LSM14A: variants seen among roughly 807,000 people sequenced by gnomAD.
The protein encoded by LSM14A is LSM14A mRNA processing body assembly factor.
A neutral mutation model predicts 52.4 loss-of-function variants in LSM14A; 14 were observed. That is an observed-to-expected ratio of 0.27 (90% CI 0.18 to 0.42). The LOEUF (loss-of-function observed/expected upper bound fraction) is 0.42. Ranked by LOEUF, LSM14A falls within the 10% of genes least tolerant of loss-of-function variation. LSM14A has a pLI of 1.00. For synonymous variants in LSM14A, 185 were observed against 200.3 expected (o/e 0.92, Z 0.64); for missense variants, 417 against 581.8 (o/e 0.72, Z 2.91).
chr19:34,176,315 T>C (rs2069087103), intron 1 of LSM14A, among the ~76,000 whole-genome samples: 1 of 152,112 alleles, frequency 6.6e-6, no homozygotes, highest in Non-Finnish European at 1.5e-5. Flanking sequence ...GAGAGTGTTA[T>C]TGGGAAACCT....
chr19:34,218,693 T>C (rs1453628841), intron 6 of LSM14A, among the ~76,000 whole-genome samples: 8 of 152,240 alleles, frequency 5.3e-5, no homozygotes, highest in Non-Finnish European at 8.8e-5. Context: ...TCACTATAAA[T>C]TATGCTGCTT....
chr19:34,215,358 T>C, intron 5 of LSM14A, 58 bp downstream of exon 5: 1 of 1,433,498 alleles, frequency 7.0e-7, no homozygotes, highest in South Asian at 1.4e-5. Context: ...TCCACTCACT[T>C]TATTTTCATT....
intron 6 of LSM14A, among the ~76,000 whole-genome samples, chr19:34,217,837 AAGAG>A (rs1377927276): frequency 6.6e-6 from 1 of 151,444 alleles, no homozygotes; most frequent in Non-Finnish European, 1.5e-5. Flanking sequence ...TATTCAGAAA[AAGAG>A]AGAGCTCCCC....
intron 3 of LSM14A, among the ~76,000 whole-genome samples, chr19:34,207,629 T>C (rs1227482499): frequency 6.6e-6 from 1 of 151,808 alleles, no homozygotes; most frequent in Non-Finnish European, 1.5e-5. Flanking sequence ...CCTCCCAGGT[T>C]CAAGCAATTT....
At chr19:34,202,145 T>TC (rs1222700875) in intron 3 of LSM14A, among the ~76,000 whole-genome samples, 2 of 148,920 alleles carry the variant, frequency 1.3e-5, no homozygotes, top group Non-Finnish European at 3.0e-5. Context: ...TTTTTTTTTT[T>TC]CCATTTGGTT....
chr19:34,207,532 A>ATTT lies in LSM14A; in HGVS notation c.416-1382_416-1380dup, dbSNP rs1316686200. On this transcript the variant is annotated intron_variant, in intron 3 of 9. Coordinates refer to ENST00000544216, the MANE Select transcript of LSM14A (RefSeq NM_015578.4). Reference sequence around the variant, plus strand: ...ATACTGTGCTGCTTTCTGAAGCCACATTTTTTTTTTTTTTTTTGAGACAGA... The same window carrying ATTT: ...ATACTGTGCTGCTTTCTGAAGCCACATTTTTTTTTTTTTTTTTTTTGAGACAGA... Among the ~76,000 whole-genome samples the ATTT allele has an allele frequency of 3.1e-3, 424 of 136,198 alleles. 4 individuals carry two copies. Among genetic ancestry groups the ATTT allele is most frequent in the African/African-American group, 0.011 (392 of 36,696 alleles). 89.4% of individuals were successfully genotyped at this position (136,198 alleles called of 152,430 possible). A position where few individuals can be genotyped will look rare whatever the true frequency, so the allele number is the denominator to read the frequency against.
At chr19:34,214,512 T>C (rs2072429379) in intron 4 of LSM14A, among the ~76,000 whole-genome samples, 1 of 152,130 alleles carries the variant, frequency 6.6e-6, no homozygotes, top group Non-Finnish European at 1.5e-5. Flanking sequence ...TTTCGCCATG[T>C]TGCCTAGGCT....
intron 1 of LSM14A, among the ~76,000 whole-genome samples, chr19:34,193,330 G>GTTCA (rs111273810): frequency 6.6e-6 from 1 of 151,398 alleles, no homozygotes; most frequent in Admixed American, 6.6e-5. Context: ...TTTTAAAAAT[G>GTTCA]TTTATTTTTT....
chr19:34,174,903 G>GA (rs1406045957), intron 1 of LSM14A, among the ~76,000 whole-genome samples: 1 of 151,558 alleles, frequency 6.6e-6, no homozygotes, highest in Non-Finnish European at 1.5e-5. Flanking sequence ...TCCTCACAAA[G>GA]AAAAAAAATA....
intron 9 of LSM14A, among the ~76,000 whole-genome samples, chr19:34,222,584 A>G (rs1312807507): frequency 6.6e-6 from 1 of 152,250 alleles, no homozygotes; most frequent in Non-Finnish European, 1.5e-5. Flanking sequence ...AGCTGGAAAC[A>G]GAAAGACCTG....
At chr19:34,196,833 C>A in intron 3 of LSM14A, 70 bp downstream of exon 3, 1 of 1,325,188 alleles carries the variant, frequency 7.5e-7, no homozygotes, top group Non-Finnish European at 1.0e-6. Flanking sequence ...GGTATAGAAA[C>A]TCAACACCAA....
chr19:34,208,759 A>G, intron 3 of LSM14A, 170 bp from the exon 4 acceptor site: 1 of 532,828 alleles, frequency 1.9e-6, no homozygotes, highest in Non-Finnish European at 3.3e-6. Flanking sequence ...TATTGCCATA[A>G]AATTCCCAAA....
chr19:34,185,792 C>T (rs2069859649), intron 1 of LSM14A, among the ~76,000 whole-genome samples: 1 of 152,150 alleles, frequency 6.6e-6, no homozygotes, highest in Non-Finnish European at 1.5e-5. Flanking sequence ...AAGAGCTGTA[C>T]ATATATATAA....
rs1369163190 is a variant in LSM14A at position 34,201,833 on chromosome 19, A to AT, written c.415+5076dup. Among the ~76,000 whole-genome samples, 4 of 151,818 alleles carry AT rather than the reference A, an allele frequency of 2.6e-5. No homozygotes were observed. In the East Asian group the frequency reaches 7.7e-4, roughly 29 times the overall value. On this transcript the variant is annotated intron_variant, in intron 3 of 9. Transcript: ENST00000544216. ...TATTGCTTTTTATTTTTATTTATTT[A>AT]TTTTTTGAGACAGGGTCTCTTTCTG...
At chr19:34,183,327 C>T (rs973084042) in intron 1 of LSM14A, among the ~76,000 whole-genome samples, 16 of 151,946 alleles carry the variant, frequency 1.1e-4, no homozygotes, top group Non-Finnish European at 1.9e-4. Context: ...CCGAGGCGGG[C>T]GGATTACGAG....
At chr19:34,184,825 C>CTTTTTTG (rs887326301) in intron 1 of LSM14A, among the ~76,000 whole-genome samples, 2 of 152,162 alleles carry the variant, frequency 1.3e-5, no homozygotes, top group Admixed American at 6.5e-5. Flanking sequence ...ACTGAGGGGG[C>CTTTTTTG]TTTTTTGTTT....
chr19:34,183,051 T>C (rs1416071924), intron 1 of LSM14A, among the ~76,000 whole-genome samples: 1 of 152,102 alleles, frequency 6.6e-6, no homozygotes, highest in East Asian at 1.9e-4. Context: ...TTCACTCTTA[T>C]ATCATATTTT....
chr19:34,221,004 A>G (rs993127783), intron 8 of LSM14A, among the ~76,000 whole-genome samples: 2 of 151,982 alleles, frequency 1.3e-5, no homozygotes, highest in Non-Finnish European at 1.5e-5. Context: ...ATGTGTTCAC[A>G]TGAAGTTTAA....
Position 34,228,296 on chromosome 19 carries a change from G to T in LSM14A, c.*908G>T, listed in dbSNP as rs535626474. On this transcript the variant is annotated 3_prime_UTR_variant, in exon 10 of 10. Coordinates refer to ENST00000544216, the MANE Select transcript of LSM14A (RefSeq NM_015578.4). The stretch of plus-strand genomic sequence containing the variant: ...GTAAGAACTTCATTTTGTAGCAAAT[G>T]GCATATCACAGGATCTGTCCAGATA... 4 of 152,602 alleles carry T rather than the reference G, an allele frequency of 2.6e-5. No individual in the cohort carries two copies. The East Asian group carries it at 7.7e-4, about 29-fold the overall frequency. The allele number at this position is 152,602 out of a possible 1,614,324, so 9.5% of individuals were successfully genotyped here.
Sources: gnomAD v4.1 joint callset for allele counts (sites outside exome capture counted in the v4.1 genomes callset) on GRCh38, gnomAD v4.1.1 for gene constraint, MANE v1.5 for transcripts, NCBI Gene and HGNC (gene_info 2026-07-23, HGNC 2026-07-21) for gene names.